The following TUT7 variants were observed in gnomAD, a reference collection of about 807,000 sequenced individuals.
The protein encoded by TUT7 is terminal uridylyltransferase 7.
In TUT7, 33 loss-of-function variants were observed where a neutral mutation model predicts 165.9. The observed-to-expected ratio is 0.20, with a 90% CI of 0.15 to 0.27. The LOEUF (loss-of-function observed/expected upper bound fraction) is 0.27, where lower values mean the gene tolerates loss of function less well. TUT7 is among the 10% of genes least tolerant of loss of function. TUT7 has a pLI of 1.00. For synonymous variants in TUT7, 552 were observed against 608.1 expected, an observed-to-expected ratio of 0.91 and a Z score of 1.36; for missense variants, 1,338 against 1,762.3, an observed-to-expected ratio of 0.76 and a Z score of 4.31.
chr9:86,334,160 C>G (rs1001749915), intron 10 of TUT7, among the ~76,000 whole-genome samples: 6 of 151,968 alleles, frequency 3.9e-5, no homozygotes, highest in African/African-American at 1.5e-4. Context: ...CCTCCCTTCC[C>G]GTGGCAAGTA....
At position 86,301,354 on chromosome 9, in the gene TUT7, A is replaced by G. The variant is rs764705136; in HGVS notation, c.4342T>C (p.Leu1448=). ...CAAATAAAACAACGTTTTTCTCTTA[A>G]GTCTTTGTCATCCTGTCTCTTCCAT... ...EKWKRQDDKD[L]REKRCFICGR... is the part of the protein sequence containing the mutation. The change falls in exon 26 of 27, where the codon TTA becomes CTA. Residue 1448 remains leucine (L), a synonymous_variant. Transcript: ENST00000375963. 2.1e-5 allele frequency: 34 copies of G among 1,613,940 alleles called. No homozygotes were observed. Among genetic ancestry groups the G allele is most frequent in the Non-Finnish European group, 2.4e-5 (28 of 1,180,030 alleles).
chr9:86,323,356 T>C lies in TUT7; in HGVS notation c.2394A>G (p.Lys798=). Residue 798 remains lysine, a synonymous_variant, in exon 13 of 27, where the codon AAA becomes AAG. Transcript: ENST00000375963. ...DLEGFQNPTA[K]ECEGLATLDN... Reference sequence around the variant, plus strand: ...CTAAAGTGGCAAGTCCCTCACACTCTTTAGCTGTGGGATTTTGGAAGCCTT... The same window carrying C: ...CTAAAGTGGCAAGTCCCTCACACTCCTTAGCTGTGGGATTTTGGAAGCCTT... 1 of 1,614,146 alleles carries C rather than the reference T, an allele frequency of 6.2e-7. No homozygotes were observed. The highest frequency in any genetic ancestry group is 8.5e-7 in the Non-Finnish European group (1 of 1,180,030).
At chr9:86,305,814 A>G (rs1827410195) in intron 22 of TUT7, among the ~76,000 whole-genome samples, 1 of 152,132 alleles carries the variant, frequency 6.6e-6, no homozygotes, top group African/African-American at 2.4e-5. Context: ...GGATCTTGGG[A>G]TACAATTTCT....
intron 26 of TUT7, among the ~76,000 whole-genome samples, chr9:86,291,572 CA>C (rs969598470): frequency 0.022 from 1,059 of 48,072 alleles, 7 homozygotes; most frequent in African/African-American, 0.061. Context: ...AACTCCATCT[CA>C]AAAAAAAAAA....
chr9:86,321,716 A>G (rs1829316128), intron 14 of TUT7, among the ~76,000 whole-genome samples: 1 of 152,194 alleles, frequency 6.6e-6, no homozygotes, highest in Admixed American at 6.5e-5. Flanking sequence ...GGGACCGAGC[A>G]AGACCCTGTC....
rs1212937236 is a variant in TUT7 at position 86,325,488 on chromosome 9, G to C, written c.1635C>G (p.His545Gln). The C allele has an allele frequency of 2.5e-6, 4 of 1,613,624 alleles. No homozygotes were observed. Among genetic ancestry groups the C allele is most frequent in the South Asian group, 1.1e-5 (1 of 91,048 alleles). Residue 545 changes from histidine to glutamine, a missense_variant, in exon 12 of 27, where the codon CAC becomes CAG. By Grantham distance (24) the His-to-Gln change is conservative (BLOSUM62 0). This residue lies in a region of TUT7 where 53 missense variants were observed against 46.3 expected (regional missense o/e 1.15). Transcript: ENST00000375963. Reference protein sequence around the residue: ...GQVSLILDVKHQPSVPVGQLW... With the variant: ...GQVSLILDVKQQPSVPVGQLW... ...GCTGCCCAACTGGTACTGAAGGCTG[G>C]TGTTTCACATCCAATATTAATGACA...
At chr9:86,340,400 C>T (rs1169039240) in intron 7 of TUT7, among the ~76,000 whole-genome samples, 1 of 152,162 alleles carries the variant, frequency 6.6e-6, no homozygotes, top group East Asian at 1.9e-4. Context: ...ATAGGTAATA[C>T]ATTTAAAAAC....
chr9:86,310,635 T>C (rs1344362253), intron 18 of TUT7, 71 bp downstream of exon 18: 20 of 790,024 alleles, frequency 2.5e-5, no homozygotes, highest in Non-Finnish European at 3.9e-5. Flanking sequence ...CTTCTTTAAC[T>C]TGAGGTTTTT....
intron 26 of TUT7, among the ~76,000 whole-genome samples, chr9:86,298,321 G>C (rs141797528): frequency 1.8e-4 from 28 of 152,308 alleles, no homozygotes; most frequent in African/African-American, 6.5e-4. Flanking sequence ...AAAGGGAGGG[G>C]AGAGGCTGGA....
chr9:86,294,293 A>T (rs1448600806), intron 26 of TUT7, among the ~76,000 whole-genome samples: 1 of 151,546 alleles, frequency 6.6e-6, no homozygotes, highest in East Asian at 1.9e-4. Context: ...AAAAAAAAAA[A>T]AACCCAGAGA....
At chr9:86,309,419 T>A (rs761380030) in intron 20 of TUT7, 44 bp downstream of exon 20, 60 of 1,537,128 alleles carry the variant, frequency 3.9e-5, no homozygotes, top group Admixed American at 5.7e-5. Context: ...GGCTCAGAGA[T>A]CACCAGTTTT....
intron 14 of TUT7, among the ~76,000 whole-genome samples, chr9:86,321,811 C>G (rs1829326389): frequency 6.6e-6 from 1 of 152,182 alleles, no homozygotes; most frequent in African/African-American, 2.4e-5. Context: ...AAAGGAAGTA[C>G]AGAAGGCACT....
Position 86,323,320 on chromosome 9 carries a change from A to C in TUT7, c.2430T>G (p.Ala810=). Residue 810 remains alanine, a synonymous_variant, in exon 13 of 27, where the codon GCT becomes GCG. Transcript: ENST00000375963. ...CTTCTGTACTTTCTCCATCAAGATC[A>C]GCCTTGTTATCTAAAGTGGCAAGTC... is the stretch of plus-strand genomic sequence containing the variant. ...CEGLATLDNK[A]DLDGESTEGT... is the part of the protein sequence containing the mutation. 6.2e-7 allele frequency: 1 copy of C among 1,614,128 alleles called. No individual in the cohort carries two copies. Among genetic ancestry groups the C allele is most frequent in the Non-Finnish European group, 8.5e-7 (1 of 1,180,010 alleles).
chr9:86,310,103 G>A, intron 18 of TUT7, 86 bp from the exon 19 acceptor site: 1 of 1,147,004 alleles, frequency 8.7e-7, no homozygotes, highest in Non-Finnish European at 1.2e-6. Context: ...TTAAATAATG[G>A]AGATGGGATC....
At chr9:86,328,932 A>C (rs1181534136) in intron 10 of TUT7, among the ~76,000 whole-genome samples, 2 of 152,220 alleles carry the variant, frequency 1.3e-5, no homozygotes, top group Non-Finnish European at 2.9e-5. Context: ...ACCATAAGGC[A>C]CTCAGATAGA....
intron 5 of TUT7, among the ~76,000 whole-genome samples, chr9:86,343,710 T>C (rs1831511534): frequency 6.6e-6 from 1 of 152,186 alleles, no homozygotes. Flanking sequence ...CAAAAAGCGT[T>C]TGCTGTAACA....
chr9:86,305,571 A>C (rs1255393752), intron 22 of TUT7, among the ~76,000 whole-genome samples: 10 of 152,226 alleles, frequency 6.6e-5, no homozygotes, highest in African/African-American at 2.2e-4. Flanking sequence ...CTATTTTTGA[A>C]CAAAATACTG....
intron 22 of TUT7, among the ~76,000 whole-genome samples, chr9:86,305,505 A>G (rs1320993913): frequency 6.6e-6 from 1 of 152,222 alleles, no homozygotes; most frequent in African/African-American, 2.4e-5. Flanking sequence ...ATCAGAATAG[A>G]GTGTACTACT....
chr9:86,341,334 A>G (rs1831308209), intron 6 of TUT7, among the ~76,000 whole-genome samples: 1 of 152,234 alleles, frequency 6.6e-6, no homozygotes, highest in Non-Finnish European at 1.5e-5. Flanking sequence ...TCAAAGTGGT[A>G]GCTGGAAGTT....
Sources: gnomAD v4.1 joint callset for allele counts (sites outside exome capture counted in the v4.1 genomes callset) on GRCh38, gnomAD v4.1.1 for gene constraint, gnomAD v4.1.1 regional missense constraint, MANE v1.5 for transcripts, NCBI Gene and HGNC (gene_info 2026-07-23, HGNC 2026-07-21) for gene names.